Variants in VSIG10L2 observed in about 807,000 individuals in gnomAD.
VSIG10L2 encodes V-set and immunoglobulin domain-containing protein 10-like 2.
A neutral mutation model predicts 67.1 loss-of-function variants in VSIG10L2; 56 were observed. The observed-to-expected ratio is 0.83, with a 90% confidence interval of 0.67 to 1.04. The LOEUF is 1.04. Among genes scored for constraint, VSIG10L2 ranks in the 50% least tolerant of loss-of-function variants. The pLI is 0.00. For synonymous variants in VSIG10L2, 360 were observed against 396.6 expected (o/e 0.91, Z 1.10); for missense variants, 843 against 932.8 (o/e 0.90, Z 1.25).
chr11:125,948,824 A>G (rs982535308), intron 3 of VSIG10L2, among the ~76,000 whole-genome samples: 4 of 152,356 alleles, frequency 2.6e-5, no homozygotes, highest in Non-Finnish European at 4.4e-5. Context: ...GCATACATTC[A>G]TGCTTACAAT....
At chr11:125,952,446 T>C (rs865892131) in intron 6 of VSIG10L2, among the ~76,000 whole-genome samples, 9 of 152,376 alleles carry the variant, frequency 5.9e-5, no homozygotes, top group Middle Eastern at 6.8e-3. Context: ...TATTTTACAT[T>C]CTTTTTATAT....
chr11:125,955,308 C>T (rs2134309531), intron 9 of VSIG10L2, 129 bp downstream of exon 9: 4 of 1,282,818 alleles, frequency 3.1e-6, no homozygotes, highest in Non-Finnish European at 4.1e-6. Flanking sequence ...AGACCCTCTC[C>T]CCAGTGCTAG....
chr11:125,947,581 G>C, intron 1 of VSIG10L2, 105 bp from the exon 2 acceptor site: 1 of 1,231,226 alleles, frequency 8.1e-7, no homozygotes, highest in Non-Finnish European at 1.0e-6. Context: ...CCCTGCCTGG[G>C]CCGCTTGGGA....
chr11:125,947,991 G>A lies in VSIG10L2; in HGVS notation c.388G>A (p.Gly130Ser), dbSNP rs1945319205. 10 of 1,232,264 alleles carry A rather than the reference G, an allele frequency of 8.1e-6. No individual in the cohort carries two copies. Among genetic ancestry groups the A allele is most frequent in the South Asian group, 4.1e-5 (1 of 24,322 alleles). 76.3% of individuals were successfully genotyped at this position (1,232,264 alleles called of 1,614,324 possible). The change falls in exon 2 of 12, where the codon GGC becomes AGC. Residue 130 changes from glycine to serine, a missense_variant. Transcript: ENST00000686984. ...FLCQVLHVAGGQLHAAYSHLT... is the reference protein window; with the variant it reads ...FLCQVLHVAGSQLHAAYSHLT... ...ATGCCAGGTTCTGCACGTGGCTGGC[G>A]GCCAGCTCCACGCTGCCTACTCCCA... is the stretch of plus-strand genomic sequence containing the variant.
At position 125,951,947 on chromosome 11, in the gene VSIG10L2, G is replaced by T; in HGVS notation, c.1369G>T (p.Gly457Cys). The change falls in exon 6 of 12, where the codon GGC becomes TGC. Residue 457 changes from glycine (G) to cysteine (C), a missense_variant. Physicochemically the swap from Gly to Cys is radical, Grantham distance 159. Around this residue, in one of 2 missense-constraint regions of VSIG10L2, gnomAD observed 446 missense variants for 548.4 expected, o/e 0.81. Coordinates refer to ENST00000686984, the MANE Select transcript of VSIG10L2 (RefSeq NM_001365077.2). ...GWLDEQQQPLGGSSSSMAVHL... is the reference protein window; with the variant it reads ...GWLDEQQQPLCGSSSSMAVHL... Reference sequence around the variant, plus strand: ...GCTTGACGAACAGCAGCAGCCCCTGGGCGGCAGCAGCTCCTCGATGGCCGT... The same window carrying T: ...GCTTGACGAACAGCAGCAGCCCCTGTGCGGCAGCAGCTCCTCGATGGCCGT... The T allele has an allele frequency of 1.3e-6, 2 of 1,536,138 alleles. No homozygotes were observed. Among genetic ancestry groups the T allele is most frequent in the Non-Finnish European group, 1.7e-6 (2 of 1,146,894 alleles).
At chr11:125,948,263 G>A in intron 2 of VSIG10L2, 42 bp from the exon 3 acceptor site, 1 of 1,232,276 alleles carries the variant, frequency 8.1e-7, no homozygotes, top group Non-Finnish European at 1.0e-6. Context: ...GGCGTGTCCT[G>A]GGTCTGTAAT....
At chr11:125,950,826 C>T (rs1265179405) in intron 4 of VSIG10L2, 84 bp from the exon 5 acceptor site, 2 of 1,208,150 alleles carry the variant, frequency 1.7e-6, no homozygotes, top group African/African-American at 1.6e-5. Flanking sequence ...ACACCCCTGG[C>T]CTCCAGACTC....
At chr11:125,949,978 G>A (rs1945344250) in intron 3 of VSIG10L2, 36 bp from the exon 4 acceptor site, 2 of 1,232,308 alleles carry the variant, frequency 1.6e-6, no homozygotes, top group South Asian at 4.1e-5. Context: ...AAGGAATGAA[G>A]CTGGGGAGGT....
intron 8 of VSIG10L2, among the ~76,000 whole-genome samples, 176 bp from the exon 9 acceptor site, chr11:125,954,881 C>T (rs1002466696): frequency 5.3e-5 from 8 of 152,186 alleles, no homozygotes; most frequent in East Asian, 1.9e-4. Context: ...GACAGAGCGC[C>T]GCCTTCCTTG....
At chr11:125,951,183 G>C (rs1401632580) in intron 5 of VSIG10L2, 25 bp downstream of exon 5, 10 of 1,232,622 alleles carry the variant, frequency 8.1e-6, no homozygotes, top group Non-Finnish European at 9.1e-6. Flanking sequence ...GAAACCCCAG[G>C]GCTCTGACAT....
chr11:125,946,525 T>C lies in VSIG10L2; in HGVS notation c.82+388T>C, dbSNP rs931803258. ...CATGGGGTTGGAAGAAATTGGTTTC[T>C]GGGTTACATATTTTTATTCTTTTTT... On this transcript the variant is annotated intron_variant, in intron 1 of 11. Transcript: ENST00000686984. This position sits in a 1 kb window ranked among gnomAD's most constrained non-coding sequence, Gnocchi z 4.4. Among the ~76,000 whole-genome samples, 3 of 151,564 alleles carry C rather than the reference T, an allele frequency of 2.0e-5. No homozygotes were observed. The highest frequency in any genetic ancestry group is 7.3e-5 in the African/African-American group (3 of 41,304).
At chr11:125,949,019 G>T (rs1023647459) in intron 3 of VSIG10L2, among the ~76,000 whole-genome samples, 3 of 152,204 alleles carry the variant, frequency 2.0e-5, no homozygotes, top group African/African-American at 7.2e-5. Context: ...CCTGGAGCTC[G>T]CTGTCCCACA....
rs1217282884 is a variant in VSIG10L2, at chr11:125,946,403, C to A, written c.82+266C>A. ...GAGTGGTATGGTCAGATCCAGGTTT[C>A]AGAAAGCTCCCTGGTTTTGAGGGGG... On this transcript the variant is annotated intron_variant, in intron 1 of 11. Transcript: ENST00000686984. The surrounding 1 kb of genome is among the most constrained non-coding windows in gnomAD (Gnocchi z 4.4). Among the ~76,000 whole-genome samples the A allele has an allele frequency of 6.6e-6, 1 of 152,184 alleles. No homozygotes were observed. Among genetic ancestry groups the A allele is most frequent in the Non-Finnish European group, 1.5e-5 (1 of 68,034 alleles).
In VSIG10L2 at chr11:125,954,363, C is replaced by T. The variant is rs956946001; in HGVS notation, c.2063C>T (p.Pro688Leu). The T allele has an allele frequency of 8.1e-7, 1 of 1,232,144 alleles. No individual in the cohort carries two copies. The highest frequency in any genetic ancestry group is 4.1e-5 in the South Asian group (1 of 24,298). The allele number at this position is 1,232,144 out of a possible 1,614,324, so 76.3% of individuals were successfully genotyped here. Residue 688 changes from proline (P) to leucine (L), a missense_variant, in exon 8 of 12, where the codon CCC becomes CTC. Pro to Leu is a moderately conservative substitution (Grantham distance 98). Coordinates refer to ENST00000686984, the MANE Select transcript of VSIG10L2 (RefSeq NM_001365077.2). ...LALNHHTAGH[P>L]SEVKIPADPP... ...CTGAATCACCACACTGCAGGACATC[C>T]CTCTGAGGTGAAGATACCAGGTGCC...
At position 125,953,549 on chromosome 11, in the gene VSIG10L2, G is replaced by A; in HGVS notation, c.1645G>A (p.Gly549Arg). 8.1e-7 allele frequency: 1 copy of A among 1,232,276 alleles called. No individual in the cohort carries two copies. The highest frequency in any genetic ancestry group is 1.0e-6 in the Non-Finnish European group (1 of 988,070). The allele number at this position is 1,232,276 out of a possible 1,614,324, so 76.3% of individuals were successfully genotyped here. ...ACAAAAAGTGGACCCCGGCACTTCA[G>A]GATTCATGCTGCACCCTGAGGGTGC... ...QQQKVDPGTS[G>R]FMLHPEGAQL... The change falls in exon 7 of 12, where the codon GGA (glycine) becomes AGA (arginine). Residue 549 changes from glycine (G) to arginine (R), a missense_variant. Gly to Arg is a moderately radical substitution (Grantham distance 125). Coordinates refer to ENST00000686984, the MANE Select transcript of VSIG10L2 (RefSeq NM_001365077.2).
At position 125,953,708 on chromosome 11, in the gene VSIG10L2, TGC is replaced by T. The variant is rs1279267742; in HGVS notation, c.1786+20_1786+21del. On this transcript the variant is annotated intron_variant, in intron 7 of 11. Coordinates refer to ENST00000686984, the MANE Select transcript of VSIG10L2 (RefSeq NM_001365077.2). ...GGTCCTGAGTGAGTGAGGGGTTGAA[TGC>T]GTGTGTGTGGTGAGGTGGGGGCTGG... 1.6e-6 allele frequency: 2 copies of T among 1,232,122 alleles called. No individual in the cohort carries two copies. The highest frequency in any genetic ancestry group is 2.0e-6 in the Non-Finnish European group (2 of 987,984). 76.3% of individuals were successfully genotyped at this position (1,232,122 alleles called of 1,614,324 possible).
chr11:125,954,126 C>A lies in VSIG10L2; in HGVS notation c.1826C>A (p.Thr609Asn). 2 of 1,232,326 alleles carry A rather than the reference C, an allele frequency of 1.6e-6. No homozygotes were observed. Among genetic ancestry groups the A allele is most frequent in the Non-Finnish European group, 1.0e-6 (1 of 988,102 alleles). The allele number at this position is 1,232,326 out of a possible 1,614,324, so 76.3% of individuals were successfully genotyped here. Residue 609 changes from threonine (T) to asparagine (N), a missense_variant, in exon 8 of 12, where the codon ACC becomes AAC. Physicochemically the swap from Thr to Asn is moderately conservative, Grantham distance 65 (BLOSUM62 0). Transcript: ENST00000686984. ...APPNVTISRL[T>N]YGRHRREVQL... is the part of the protein sequence containing the mutation. ...CCCAATGTCACCATCAGCCGCCTGA[C>A]CTACGGGAGGCACCGGAGAGAGGTG...
chr11:125,949,901 G>A (rs1289051021), intron 3 of VSIG10L2, 113 bp from the exon 4 acceptor site: 19 of 1,100,172 alleles, frequency 1.7e-5, no homozygotes, highest in South Asian at 4.8e-5. Context: ...GGGTGGACAC[G>A]GGCCAGTGCA....
chr11:125,947,092 C>T, intron 1 of VSIG10L2, among the ~76,000 whole-genome samples: 1 of 152,128 alleles, frequency 6.6e-6, no homozygotes, highest in East Asian at 1.9e-4. Context: ...GACCCCGGCA[C>T]TCTATGCTTA....
Sources: gnomAD v4.1 joint callset for allele counts (sites outside exome capture counted in the v4.1 genomes callset) on GRCh38, gnomAD v4.1.1 for gene constraint, gnomAD v4.1.1 regional missense constraint, Gnocchi (gnomAD v3.1) non-coding constraint, MANE v1.5 for transcripts, NCBI Gene and HGNC (gene_info 2026-07-23, HGNC 2026-07-21) for gene names.